Variants in L3MBTL1 observed in about 807,000 individuals in gnomAD.
L3MBTL1 encodes the protein lethal(3)malignant brain tumor-like protein 1.
L3MBTL1 carries 75 observed loss-of-function variants against 105.3 expected under a neutral mutation model. That is an observed-to-expected ratio of 0.71 (90% confidence interval 0.59 to 0.86). L3MBTL1 has a LOEUF of 0.86. L3MBTL1 is among the 40% of genes least tolerant of loss of function. The probability of loss-of-function intolerance (pLI) is 0.00; values close to 1 mark genes in which losing one functional copy is unlikely to be tolerated. For synonymous variants in L3MBTL1, 452 were observed against 436.2 expected, an observed-to-expected ratio of 1.04 and a Z score of -0.45; for missense variants, 1,069 against 1,126.4, an observed-to-expected ratio of 0.95 and a Z score of 0.73.
At chr20:43,508,593 TACCCATGG>T (rs1489125141) in intron 1 of L3MBTL1, among the ~76,000 whole-genome samples, 7 of 152,210 alleles carry the variant, frequency 4.6e-5, no homozygotes, top group African/African-American at 1.7e-4. Context: ...CAAGAGAAAA[TACCCATGG>T]ACACATTCAG....
At chr20:43,529,486 T>C (rs746745327) in intron 9 of L3MBTL1, 118 bp downstream of exon 9, 11 of 713,436 alleles carry the variant, frequency 1.5e-5, no homozygotes, top group Non-Finnish European at 2.5e-5. Context: ...AATCTAGTAG[T>C]GGATGAAGCT....
intron 7 of L3MBTL1, among the ~76,000 whole-genome samples, chr20:43,527,781 A>G (rs1436120602): frequency 1.3e-5 from 2 of 150,892 alleles, no homozygotes; most frequent in Non-Finnish European, 2.9e-5. Context: ...GTGCAGTGGC[A>G]TGTTCTCGGC....
At chr20:43,514,942 G>A (rs978610904) in intron 4 of L3MBTL1, 67 bp from the exon 5 acceptor site, 2 of 1,568,694 alleles carry the variant, frequency 1.3e-6, no homozygotes, top group African/African-American at 2.7e-5. Flanking sequence ...GGCCTGAGGG[G>A]GCGTGGGCGG....
At chr20:43,546,546 A>G (rs1231064353), downstream of L3MBTL1, among the ~76,000 whole-genome samples, 1 of 152,164 alleles carries the variant, frequency 6.6e-6, no homozygotes, top group Non-Finnish European at 1.5e-5. Flanking sequence ...GCACGTAAGA[A>G]ACAACATAGA....
At chr20:43,535,558 A>G (rs771352446) in intron 16 of L3MBTL1, among the ~76,000 whole-genome samples, 1 of 152,206 alleles carries the variant, frequency 6.6e-6, no homozygotes, top group Non-Finnish European at 1.5e-5. Flanking sequence ...GCTACACCCA[A>G]CCAGCTCTGA....
rs1176856356 is a variant in L3MBTL1, at chr20:43,522,457, G to GTTTTTTTTTTTTTTTTTTTTT, written c.863-6189_863-6169dup. On this transcript the variant is annotated intron_variant, in intron 7 of 21. Coordinates refer to ENST00000418998, the MANE Select transcript of L3MBTL1 (RefSeq NM_001377303.1). ...TGGTAACTGAATTTTTCCCTGCTAAGTTTTTTTTTTTTTTTTTTTTTTTTT... is the reference window on the plus strand; with the variant it reads ...TGGTAACTGAATTTTTCCCTGCTAAGTTTTTTTTTTTTTTTTTTTTTTTTTTTTTTTTTTTTTTTTTTTTTT... Among the ~76,000 whole-genome samples, 9 of 95,892 alleles carry GTTTTTTTTTTTTTTTTTTTTT rather than the reference G, an allele frequency of 9.4e-5. 2 individuals are homozygous for GTTTTTTTTTTTTTTTTTTTTT. The highest frequency in any genetic ancestry group is 3.8e-4 in the East Asian group (1 of 2,656). The allele number at this position is 95,892 out of a possible 152,430, so 62.9% of individuals were successfully genotyped here. A position where few individuals can be genotyped will look rare whatever the true frequency, so the allele number is the denominator to read the frequency against.
chr20:43,531,817 C>A (rs1367334882), intron 11 of L3MBTL1: 1 of 152,370 alleles, frequency 6.6e-6, no homozygotes, highest in Non-Finnish European at 1.5e-5. Context: ...CACTTGAGCC[C>A]AGGAGTTTGA....
chr20:43,531,025 T>TGGG (rs1234242290), intron 11 of L3MBTL1, 136 bp downstream of exon 11: 6 of 720,784 alleles, frequency 8.3e-6, no homozygotes, highest in Non-Finnish European at 1.4e-5. Context: ...TCATATCAGA[T>TGGG]GGGAGGGGTA....
At chr20:43,518,736 C>T (rs948062099) in intron 7 of L3MBTL1, among the ~76,000 whole-genome samples, 22 of 150,728 alleles carry the variant, frequency 1.5e-4, no homozygotes, top group Admixed American at 6.6e-4. Context: ...AGGCCGGGCA[C>T]GGTGGCTCAT....
downstream of L3MBTL1, among the ~76,000 whole-genome samples, chr20:43,545,941 A>C (rs1004488025): frequency 6.6e-6 from 1 of 152,242 alleles, no homozygotes; most frequent in African/African-American, 2.4e-5. Flanking sequence ...TCTGAGATAC[A>C]GTCCTGTTGT....
At position 43,514,733 on chromosome 20, in the gene L3MBTL1, C is replaced by A. The variant is rs1429201777; in HGVS notation, c.459C>A (p.Gly153=). 3.2e-6 allele frequency: 5 copies of A among 1,572,214 alleles called. No individual in the cohort carries two copies. The African/African-American group carries it at 6.7e-5, about 21-fold the overall frequency. ...RQEGVTEYED[G]GAPAGDGEAG... ...AAGGCGTGACCGAATACGAAGATGG[C>A]GGGGCCCCGGCGGGAGATGGCGAGG... The change falls in exon 4 of 22, where the codon GGC becomes GGA. Residue 153 remains glycine, a synonymous_variant. Coordinates refer to ENST00000418998, the MANE Select transcript of L3MBTL1 (RefSeq NM_001377303.1).
intron 4 of L3MBTL1, 43 bp from the exon 5 acceptor site, chr20:43,514,966 C>T (rs917933895): frequency 1.2e-6 from 2 of 1,600,134 alleles, no homozygotes; most frequent in East Asian, 2.2e-5. Context: ...CTGAGTGTGG[C>T]TGCGATGGGG....
intron 8 of L3MBTL1, chr20:43,528,962 C>T (rs1218619643): frequency 3.3e-6 from 2 of 605,228 alleles, no homozygotes; most frequent in South Asian, 2.0e-5. Flanking sequence ...TAGGCTCACT[C>T]ATCACTGGGC....
At chr20:43,548,382 A>G (rs1978769519) in exon 19 of L3MBTL1, 1 of 807,798 alleles carries the variant, frequency 1.2e-6, no homozygotes, top group Non-Finnish European at 1.7e-6. Context: ...TCCTTCTTAG[A>G]GGGTGCATGG....
chr20:43,540,431 C>A, intron 20 of L3MBTL1, 123 bp downstream of exon 20: 1 of 1,126,456 alleles, frequency 8.9e-7, no homozygotes, highest in Non-Finnish European at 1.3e-6. Flanking sequence ...TCTTGCTCAT[C>A]TGTCCTGTGC....
intron 19 of L3MBTL1, 107 bp from the exon 20 acceptor site, chr20:43,540,044 C>T: frequency 7.4e-7 from 1 of 1,343,856 alleles, no homozygotes; most frequent in South Asian, 1.2e-5. Context: ...GGCCCGGAGT[C>T]CTGTCTACTC....
At chr20:43,548,127 C>G in exon 19 of L3MBTL1, 1 of 1,304,128 alleles carries the variant, frequency 7.7e-7, no homozygotes, top group Non-Finnish European at 1.0e-6. Context: ...GACGGCGAGG[C>G]CTTCCTTTTG....
At chr20:43,540,643 G>A (rs1347420456) in intron 20 of L3MBTL1, 110 bp from the exon 21 acceptor site, 16 of 1,057,196 alleles carry the variant, frequency 1.5e-5, no homozygotes, top group Non-Finnish European at 1.4e-6. Context: ...TTAGGCTGGT[G>A]AGAAAAAGCA....
At chr20:43,550,179 C>T (rs1166132676) in exon 19 of L3MBTL1, 3 of 152,210 alleles carry the variant, frequency 2.0e-5, no homozygotes, top group Non-Finnish European at 4.4e-5. Flanking sequence ...AACTCATCAG[C>T]TCCTTATCCT....
Sources: allele counts gnomAD v4.1 joint callset (sites outside exome capture counted in the v4.1 genomes callset), GRCh38; gene constraint gnomAD v4.1.1; transcripts MANE v1.5; gene names NCBI Gene and HGNC (gene_info 2026-07-23, HGNC 2026-07-21).